CADPS2: variants seen among roughly 807,000 people sequenced by gnomAD.
The protein encoded by CADPS2 is calcium dependent secretion activator 2.
CADPS2 carries 93 observed loss-of-function variants against 172.5 expected under a neutral mutation model. The observed-to-expected ratio is 0.54, with a 90% CI of 0.46 to 0.64. CADPS2 has a LOEUF of 0.64. Ranked by LOEUF, CADPS2 falls within the 30% of genes least tolerant of loss-of-function variation. The pLI is 0.00. For missense variants in CADPS2, 1,420 were observed against 1,565.9 expected (o/e 0.91, Z 1.57); for synonymous variants, 546 against 555.2 (o/e 0.98, Z 0.23).
intron 17 of CADPS2, among the ~76,000 whole-genome samples, chr7:122,432,289 T>C (rs2050035458): frequency 6.6e-6 from 1 of 152,154 alleles, no homozygotes; most frequent in Non-Finnish European, 1.5e-5. Context: ...GAACTCTCCA[T>C]AAAATACCTA....
At chr7:122,677,464 C>CA (rs1443004783) in intron 2 of CADPS2, among the ~76,000 whole-genome samples, 1 of 152,148 alleles carries the variant, frequency 6.6e-6, no homozygotes, top group African/African-American at 2.4e-5. Context: ...TGGGCTTTGT[C>CA]AGGCCTGGAA....
At chr7:122,698,088 A>C (rs1401856714) in intron 2 of CADPS2, 61 of 1,614,090 alleles carry the variant, frequency 3.8e-5, no homozygotes, top group Non-Finnish European at 5.1e-5. Flanking sequence ...TCTTGTGGAA[A>C]AAATGTTTAC....
At position 122,574,152 on chromosome 7, in the gene CADPS2, G is replaced by A. The variant is rs1300638978; in HGVS notation, c.1335+7027C>T. ...GTAAACTCATGTTTTAAAAAAAAAT[G>A]TGTATTTCTTGGGCTGGGAACAGTG... On this transcript the variant is annotated intron_variant, in intron 7 of 29. Coordinates refer to ENST00000449022, the MANE Select transcript of CADPS2 (RefSeq NM_017954.11). Among the ~76,000 whole-genome samples, 6 of 151,954 alleles carry A rather than the reference G, an allele frequency of 3.9e-5. No homozygotes were observed. In the East Asian group the frequency reaches 9.7e-4, roughly 25 times the overall value.
intron 7 of CADPS2, among the ~76,000 whole-genome samples, chr7:122,577,052 T>A (rs898005747): frequency 3.3e-5 from 5 of 152,012 alleles, no homozygotes; most frequent in African/African-American, 1.2e-4. Context: ...TGAGCCACCA[T>A]ACCTGGCCTG....
chr7:122,458,676 C>CTAT (rs1191476444), intron 14 of CADPS2, among the ~76,000 whole-genome samples: 1 of 152,134 alleles, frequency 6.6e-6, no homozygotes. Flanking sequence ...TCATCTGACT[C>CTAT]TATAAAGATC....
intron 2 of CADPS2, chr7:122,698,644 A>C (rs1391610238): frequency 1.2e-6 from 2 of 1,614,060 alleles, no homozygotes; most frequent in Non-Finnish European, 1.7e-6. Context: ...TGATCGGCTG[A>C]AAATGGTATT....
chr7:122,511,043 A>G (rs1399212556), intron 9 of CADPS2, among the ~76,000 whole-genome samples: 1 of 152,190 alleles, frequency 6.6e-6, no homozygotes, highest in African/African-American at 2.4e-5. Context: ...CATGACTTCA[A>G]ATTTTAAAAA....
intron 17 of CADPS2, chr7:122,424,571 C>G (rs186180457): frequency 1.3e-5 from 2 of 152,300 alleles, no homozygotes; most frequent in East Asian, 3.9e-4. Flanking sequence ...ATAATCTTCT[C>G]TAAAGATCTT....
At position 122,761,304 on chromosome 7, in the gene CADPS2, T is replaced by C. The variant is rs568658723; in HGVS notation, c.340-24236A>G. Among the ~76,000 whole-genome samples the C allele has an allele frequency of 2.0e-5, 3 of 152,264 alleles. No homozygotes were observed. The South Asian group carries it at 6.2e-4, about 32-fold the overall frequency. On this transcript the variant is annotated intron_variant, in intron 1 of 29. Transcript: ENST00000449022. ...TCTTCCTCCACTCATTCCTGGAACA[T>C]GGGCAGCCAGGCCAATACTCATCTC...
chr7:122,780,605 C>T (rs932888047), intron 1 of CADPS2, among the ~76,000 whole-genome samples: 2 of 152,036 alleles, frequency 1.3e-5, no homozygotes, highest in Non-Finnish European at 2.9e-5. Context: ...GCCTCAACCT[C>T]CAGGGCTCAA....
intron 9 of CADPS2, among the ~76,000 whole-genome samples, chr7:122,497,041 T>C (rs1318031690): frequency 2.0e-5 from 3 of 152,156 alleles, no homozygotes; most frequent in African/African-American, 7.2e-5. Context: ...TCTGTCTTTC[T>C]GGTAACTTGT....
chr7:122,702,110 G>A lies in CADPS2; in HGVS notation c.453+34845C>T, dbSNP rs761565876. 9.3e-6 allele frequency: 15 copies of A among 1,613,634 alleles called. No homozygotes were observed. The East Asian group carries it at 2.7e-4, about 29-fold the overall frequency. On this transcript the variant is annotated intron_variant, in intron 2 of 29. Coordinates refer to ENST00000449022, the MANE Select transcript of CADPS2 (RefSeq NM_017954.11). ...GGTGAAAGAATTGGGCACTCTAGGT[G>A]TAAGTCTCCAGACGCAATCTAAGTA...
At chr7:122,681,990 C>T (rs1018916688) in intron 2 of CADPS2, among the ~76,000 whole-genome samples, 3 of 151,754 alleles carry the variant, frequency 2.0e-5, no homozygotes, top group Admixed American at 6.6e-5. Flanking sequence ...ATTATGAAGT[C>T]GTTCTAAAGC....
chr7:122,715,380 C>T (rs74477971), intron 2 of CADPS2, among the ~76,000 whole-genome samples: 13,977 of 152,046 alleles, frequency 0.092, 1,035 homozygotes, highest in East Asian at 0.32. Flanking sequence ...CCTTCCAGAA[C>T]GCAGATGGCA....
At chr7:122,492,004 C>T (rs1029259394) in intron 9 of CADPS2, among the ~76,000 whole-genome samples, 9 of 152,068 alleles carry the variant, frequency 5.9e-5, no homozygotes, top group Non-Finnish European at 1.5e-5. Context: ...AACCCCATCT[C>T]TATTAAAAAT....
At chr7:122,846,797 T>C (rs1029099491) in intron 1 of CADPS2, among the ~76,000 whole-genome samples, 1 of 152,198 alleles carries the variant, frequency 6.6e-6, no homozygotes, top group Non-Finnish European at 1.5e-5. Context: ...CCTGAGATGA[T>C]CTTCAAGCTG....
intron 7 of CADPS2, among the ~76,000 whole-genome samples, chr7:122,557,194 C>T (rs2065137353): frequency 6.6e-6 from 1 of 152,116 alleles, no homozygotes; most frequent in Admixed American, 6.6e-5. Context: ...AGTTTTCAGG[C>T]TCCCAAATTG....
intron 3 of CADPS2, among the ~76,000 whole-genome samples, chr7:122,634,107 G>A (rs1180352698): frequency 1.3e-5 from 2 of 152,050 alleles, no homozygotes. Context: ...AGGAGTTTGT[G>A]ACTATATTCA....
intron 2 of CADPS2, among the ~76,000 whole-genome samples, chr7:122,671,323 T>C (rs532318793): frequency 2.0e-5 from 3 of 152,198 alleles, no homozygotes; most frequent in Admixed American, 6.5e-5. Context: ...GTGGTTTGGA[T>C]GGTTAAACCA....
Sources: allele counts gnomAD v4.1 joint callset (sites outside exome capture counted in the v4.1 genomes callset), GRCh38; gene constraint gnomAD v4.1.1; transcripts MANE v1.5; gene names NCBI Gene and HGNC (gene_info 2026-07-23, HGNC 2026-07-21).